The following TBC1D32 variants were observed in gnomAD, a reference collection of about 807,000 sequenced individuals.
TBC1D32 encodes protein broad-minded.
In TBC1D32, 151 loss-of-function variants were observed where a neutral mutation model predicts 170.3. That is an observed-to-expected ratio of 0.89 (90% CI 0.78 to 1.01). TBC1D32 has a LOEUF of 1.01. TBC1D32 is among the 50% of genes least tolerant of loss of function. The pLI, the probability that TBC1D32 is intolerant of heterozygous loss-of-function variation, is 0.00. For missense variants in TBC1D32, 1,464 were observed against 1,457.1 expected (o/e 1.00, Z -0.08); for synonymous variants, 498 against 488.0 (o/e 1.02, Z -0.27).
chr6:121,258,864 T>C (rs998810195), intron 15 of TBC1D32, among the ~76,000 whole-genome samples: 2 of 152,166 alleles, frequency 1.3e-5, no homozygotes, highest in Non-Finnish European at 2.9e-5. Flanking sequence ...AGTCTTCCAT[T>C]AATATAAATA....
At chr6:121,170,757 A>T (rs1251226699) in intron 22 of TBC1D32, among the ~76,000 whole-genome samples, 1 of 152,056 alleles carries the variant, frequency 6.6e-6, no homozygotes, top group Non-Finnish European at 1.5e-5. Context: ...TAGATTTTTT[A>T]AAATGTATCT....
chr6:121,092,540 G>A (rs139135067), intron 30 of TBC1D32, among the ~76,000 whole-genome samples: 497 of 151,814 alleles, frequency 3.3e-3, no homozygotes, highest in African/African-American at 0.011. Context: ...AAACTAACAC[G>A]TATTAGTTTG....
chr6:121,281,525 C>T lies in TBC1D32; in HGVS notation c.1608+19G>A. On this transcript the variant is annotated intron_variant, in intron 14 of 31. Coordinates refer to ENST00000398212, the MANE Select transcript of TBC1D32 (RefSeq NM_152730.6). Reference sequence around the variant, plus strand: ...ACCCAGGTAAGAGACTCTTTTTCTCCTTAGTAAATAATACGAACCTCATTT... The same window carrying T: ...ACCCAGGTAAGAGACTCTTTTTCTCTTTAGTAAATAATACGAACCTCATTT... 6.3e-7 allele frequency: 1 copy of T among 1,592,856 alleles called. No homozygotes were observed.
intron 3 of TBC1D32, among the ~76,000 whole-genome samples, chr6:121,316,504 A>T (rs1455342131): frequency 6.6e-6 from 1 of 152,144 alleles, no homozygotes; most frequent in Non-Finnish European, 1.5e-5. Flanking sequence ...GCAAGAAATG[A>T]TTAAGGGTTA....
rs1775530642 is a variant in TBC1D32, at chr6:121,080,428, A to G, written c.*343T>C. 1 of 257,820 alleles carries G rather than the reference A, an allele frequency of 3.9e-6. No homozygotes were observed. The highest frequency in any genetic ancestry group is 8.1e-6 in the Non-Finnish European group (1 of 123,348). 16.0% of individuals were successfully genotyped at this position (257,820 alleles called of 1,614,324 possible). A position where few individuals can be genotyped will look rare whatever the true frequency, so the allele number is the denominator to read the frequency against. ...ACGAGGTTTCACCATTTTGGCCAGG[A>G]TGGTCTCGATCTCTTGACCTCGTGA... On this transcript the variant is annotated 3_prime_UTR_variant, in exon 32 of 32. Coordinates refer to ENST00000398212, the MANE Select transcript of TBC1D32 (RefSeq NM_152730.6).
intron 30 of TBC1D32, among the ~76,000 whole-genome samples, chr6:121,103,167 A>T (rs1415900091): frequency 6.6e-6 from 1 of 152,114 alleles, no homozygotes; most frequent in Non-Finnish European, 1.5e-5. Flanking sequence ...ATTGTGGAAG[A>T]CAGTGTGGCA....
At chr6:121,288,156 G>A (rs1365569768) in intron 12 of TBC1D32, among the ~76,000 whole-genome samples, 4 of 152,066 alleles carry the variant, frequency 2.6e-5, no homozygotes, top group Non-Finnish European at 5.9e-5. Flanking sequence ...TAAGACCAGG[G>A]CAGAACTGAA....
At chr6:121,286,201 G>C (rs991734431) in intron 12 of TBC1D32, among the ~76,000 whole-genome samples, 2 of 151,968 alleles carry the variant, frequency 1.3e-5, no homozygotes, top group Non-Finnish European at 2.9e-5. Flanking sequence ...AACTAAAGGA[G>C]GAAGTTCGAA....
intron 26 of TBC1D32, among the ~76,000 whole-genome samples, chr6:121,118,450 G>A (rs1356714140): frequency 2.6e-5 from 4 of 152,122 alleles, no homozygotes; most frequent in Admixed American, 6.6e-5. Flanking sequence ...AATAAAATGA[G>A]TTGACAAAAT....
At chr6:121,189,343 G>A (rs1275688253) in intron 22 of TBC1D32, among the ~76,000 whole-genome samples, 2 of 151,964 alleles carry the variant, frequency 1.3e-5, no homozygotes, top group East Asian at 1.9e-4. Context: ...TTTCCATGCT[G>A]AACATTAAGA....
chr6:121,271,772 T>C (rs1372904670), intron 15 of TBC1D32, among the ~76,000 whole-genome samples: 1 of 152,118 alleles, frequency 6.6e-6, no homozygotes, highest in African/African-American at 2.4e-5. Flanking sequence ...ACTTTAAAGT[T>C]CATATGGAAT....
chr6:121,238,635 G>A (rs992472302), intron 20 of TBC1D32, among the ~76,000 whole-genome samples: 2 of 152,084 alleles, frequency 1.3e-5, no homozygotes, highest in Non-Finnish European at 2.9e-5. Flanking sequence ...CACTCTAAAT[G>A]ATAGCATCTT....
At chr6:121,276,403 A>G (rs1802218217) in intron 15 of TBC1D32, among the ~76,000 whole-genome samples, 1 of 152,118 alleles carries the variant, frequency 6.6e-6, no homozygotes, top group South Asian at 2.1e-4. Context: ...CAAACTTAAT[A>G]GCAACCATTA....
At chr6:121,282,462 AGT>A (rs147313417) in intron 13 of TBC1D32, among the ~76,000 whole-genome samples, 3,618 of 151,824 alleles carry the variant, frequency 0.024, 160 homozygotes, top group East Asian at 0.12. Context: ...TTTATTATTA[AGT>A]GTTTTACTTT....
chr6:121,219,813 G>A (rs1562955479), intron 21 of TBC1D32, among the ~76,000 whole-genome samples: 1 of 152,200 alleles, frequency 6.6e-6, no homozygotes, highest in Non-Finnish European at 1.5e-5. Flanking sequence ...AACAGCATGT[G>A]TTCACTTTGT....
At chr6:121,104,092 C>A (rs1778438861) in intron 30 of TBC1D32, among the ~76,000 whole-genome samples, 1 of 151,572 alleles carries the variant, frequency 6.6e-6, no homozygotes, top group Non-Finnish European at 1.5e-5. Context: ...TAATCTCATA[C>A]AAATAAATTT....
intron 5 of TBC1D32, among the ~76,000 whole-genome samples, chr6:121,306,495 G>A (rs1398943193): frequency 6.6e-6 from 1 of 152,070 alleles, no homozygotes; most frequent in Non-Finnish European, 1.5e-5. Flanking sequence ...ATATATATTT[G>A]CTGAACAAAG....
intron 4 of TBC1D32, among the ~76,000 whole-genome samples, chr6:121,308,493 C>T (rs1219439664): frequency 1.3e-5 from 2 of 151,854 alleles, no homozygotes; most frequent in Admixed American, 1.3e-4. Flanking sequence ...CAAAACATTG[C>T]CCAGATATGC....
chr6:121,221,048 G>A (rs949109191), intron 21 of TBC1D32, among the ~76,000 whole-genome samples: 9 of 152,126 alleles, frequency 5.9e-5, no homozygotes, highest in African/African-American at 2.2e-4. Flanking sequence ...AGCATCAAAA[G>A]ACAGGCGAAC....
Sources: allele counts gnomAD v4.1 joint callset (sites outside exome capture counted in the v4.1 genomes callset), GRCh38; gene constraint gnomAD v4.1.1; transcripts MANE v1.5; gene names NCBI Gene and HGNC (gene_info 2026-07-23, HGNC 2026-07-21).